Variants in PGM2L1 observed in about 807,000 individuals in gnomAD.
The protein encoded by PGM2L1 is phosphoglucomutase 2 like 1.
A neutral mutation model predicts 73.4 loss-of-function variants in PGM2L1; 35 were observed. The ratio of observed to expected loss-of-function variants is 0.48; its 90% CI spans 0.36 to 0.63. PGM2L1 has a LOEUF of 0.63. Ranked by LOEUF, PGM2L1 falls within the 30% of genes least tolerant of loss-of-function variation. The pLI, the probability that PGM2L1 is intolerant of heterozygous loss-of-function variation, is 0.00. For missense variants in PGM2L1, 570 were observed against 742.0 expected (o/e 0.77, Z 2.69); for synonymous variants, 225 against 253.8 (o/e 0.89, Z 1.08).
At chr11:74,397,425 G>A (rs373015696) in intron 1 of PGM2L1, 1 of 152,198 alleles carries the variant, frequency 6.6e-6, no homozygotes, top group South Asian at 2.1e-4. Flanking sequence ...TGTATTAAGA[G>A]TACCACATGA....
intron 3 of PGM2L1, among the ~76,000 whole-genome samples, chr11:74,371,298 T>C (rs1012936400): frequency 6.6e-6 from 1 of 152,188 alleles, no homozygotes; most frequent in Non-Finnish European, 1.5e-5. Context: ...GAAAAAGTGA[T>C]ATAAGAGACT....
intron 5 of PGM2L1, among the ~76,000 whole-genome samples, chr11:74,356,148 G>A (rs540918093): frequency 3.4e-4 from 52 of 152,094 alleles, no homozygotes; most frequent in African/African-American, 1.2e-3. Context: ...CCTTCAGGGT[G>A]ATGCCAGGTT....
At chr11:74,349,121 T>C (rs887181403) in intron 6 of PGM2L1, among the ~76,000 whole-genome samples, 2 of 152,242 alleles carry the variant, frequency 1.3e-5, no homozygotes, top group African/African-American at 4.8e-5. Context: ...TTCTTCTGCA[T>C]TTATTGTATT....
In PGM2L1 at chr11:74,342,924, T is replaced by C. The variant is rs1393550539; in HGVS notation, c.1403A>G (p.Asn468Ser). 5 of 1,610,380 alleles carry C rather than the reference T, an allele frequency of 3.1e-6. No individual in the cohort carries two copies. The highest frequency in any genetic ancestry group is 3.4e-6 in the Non-Finnish European group (4 of 1,178,284). ...AACCAGTTGCTGTTTCAATGTTATA[T>C]TCATGGTTTCCAGGTAAGATGCCAT... ...AEMASYLETM[N>S]ITLKQQLVKV... is the part of the protein sequence containing the mutation. Residue 468 changes from asparagine to serine, a missense_variant, in exon 11 of 14, where the codon AAT becomes AGT. Physicochemically the swap from Asn to Ser is conservative, Grantham distance 46. Transcript: ENST00000298198.
At chr11:74,346,191 G>C (rs138515653) in intron 8 of PGM2L1, among the ~76,000 whole-genome samples, 2,047 of 145,758 alleles carry the variant, frequency 0.014, 47 homozygotes, top group African/African-American at 0.05. Context: ...TTGAACCTGG[G>C]AGGCAGAGGC....
At chr11:74,357,922 G>A (rs1483928051) in intron 5 of PGM2L1, among the ~76,000 whole-genome samples, 1 of 152,114 alleles carries the variant, frequency 6.6e-6, no homozygotes, top group Non-Finnish European at 1.5e-5. Context: ...AATCTAAAAA[G>A]GCTATATACT....
At chr11:74,373,930 A>T (rs1293525693) in intron 2 of PGM2L1, among the ~76,000 whole-genome samples, 1 of 152,140 alleles carries the variant, frequency 6.6e-6, no homozygotes, top group Non-Finnish European at 1.5e-5. Context: ...GACTTCTAAA[A>T]TCTTGAGCAA....
intron 9 of PGM2L1, among the ~76,000 whole-genome samples, chr11:74,344,384 A>C (rs944366626): frequency 2.0e-5 from 3 of 152,172 alleles, no homozygotes; most frequent in Non-Finnish European, 4.4e-5. Context: ...TGTCCTAACT[A>C]TTAATAAAAC....
At chr11:74,373,075 G>A (rs538630257) in intron 2 of PGM2L1, among the ~76,000 whole-genome samples, 5 of 152,224 alleles carry the variant, frequency 3.3e-5, no homozygotes, top group South Asian at 4.2e-4. Flanking sequence ...CTAATAGAGT[G>A]AAAAGGGCTA....
At position 74,355,630 on chromosome 11, in the gene PGM2L1, T is replaced by A. The variant is rs1260211343; in HGVS notation, c.556-4054A>T. ...TTGGAGGCAGAAGCTCTGGCCCCTA[T>A]GGTGGTGGAGGCCAATACTTTACTA... On this transcript the variant is annotated intron_variant, in intron 5 of 13. Transcript: ENST00000298198. 1.5e-5 allele frequency: 7 copies of A among 459,288 alleles called. No homozygotes were observed. In the East Asian group the frequency reaches 4.3e-4, roughly 28 times the overall value. 28.5% of individuals were successfully genotyped at this position (459,288 alleles called of 1,614,324 possible). A position where few individuals can be genotyped will look rare whatever the true frequency, so the allele number is the denominator to read the frequency against.
intron 1 of PGM2L1, among the ~76,000 whole-genome samples, chr11:74,388,731 T>G (rs1303615028): frequency 3.9e-5 from 6 of 152,226 alleles, no homozygotes; most frequent in Non-Finnish European, 8.8e-5. Context: ...TTTGGTAAGA[T>G]ACACTCCTCA....
At chr11:74,345,306 C>T (rs142294931) in intron 9 of PGM2L1, among the ~76,000 whole-genome samples, 163 bp downstream of exon 9, 31 of 151,930 alleles carry the variant, frequency 2.0e-4, no homozygotes, top group African/African-American at 7.0e-4. Flanking sequence ...AATTTTGGCT[C>T]AAGGTGTCTA....
At chr11:74,367,984 G>A (rs185211685) in intron 5 of PGM2L1, among the ~76,000 whole-genome samples, 28 of 152,096 alleles carry the variant, frequency 1.8e-4, no homozygotes, top group African/African-American at 6.7e-4. Context: ...GCCCCAAATC[G>A]TGGTTCAATA....
At chr11:74,380,253 C>T (rs1371012466) in intron 1 of PGM2L1, among the ~76,000 whole-genome samples, 1 of 152,194 alleles carries the variant, frequency 6.6e-6, no homozygotes, top group Non-Finnish European at 1.5e-5. Context: ...ACATTTACTT[C>T]TGAGGGTAAG....
chr11:74,376,108 C>G (rs77861962), intron 1 of PGM2L1, among the ~76,000 whole-genome samples: 5,557 of 152,230 alleles, frequency 0.037, 112 homozygotes, highest in Middle Eastern at 0.092. Flanking sequence ...ATTGCACATG[C>G]CTTTTGGCCC....
At chr11:74,365,659 G>A (rs1177243840) in intron 5 of PGM2L1, among the ~76,000 whole-genome samples, 1 of 152,126 alleles carries the variant, frequency 6.6e-6, no homozygotes, top group Non-Finnish European at 1.5e-5. Flanking sequence ...AAACCACAAT[G>A]AGATACCATC....
intron 1 of PGM2L1, among the ~76,000 whole-genome samples, chr11:74,378,305 TA>T (rs762519779): frequency 1.1e-4 from 16 of 146,064 alleles, no homozygotes; most frequent in Admixed American, 6.8e-5. Flanking sequence ...CCGTCTCAAT[TA>T]AAAAAAAAAG....
chr11:74,384,929 A>G (rs952077489), intron 1 of PGM2L1, among the ~76,000 whole-genome samples: 2 of 152,216 alleles, frequency 1.3e-5, no homozygotes, highest in African/African-American at 4.8e-5. Flanking sequence ...CAAGGCTAAC[A>G]AAAAGACTGA....
intron 1 of PGM2L1, among the ~76,000 whole-genome samples, chr11:74,377,947 G>GA (rs923274359): frequency 0.025 from 3,604 of 141,828 alleles, 110 homozygotes; most frequent in African/African-American, 0.073. Context: ...GCCTAGTCAG[G>GA]AAAAAAAAAA....
Sources: allele counts gnomAD v4.1 joint callset (sites outside exome capture counted in the v4.1 genomes callset), GRCh38; gene constraint gnomAD v4.1.1; transcripts MANE v1.5; gene names NCBI Gene and HGNC (gene_info 2026-07-23, HGNC 2026-07-21).